Variants in CENPP observed in about 807,000 individuals in gnomAD.
CENPP encodes the protein centromere protein P.
A neutral mutation model predicts 35.6 loss-of-function variants in CENPP; 24 were observed. The observed-to-expected ratio is 0.67, with a 90% CI of 0.49 to 0.95. The LOEUF (loss-of-function observed/expected upper bound fraction) is 0.95. Ranked by LOEUF, CENPP falls within the 40% of genes least tolerant of loss-of-function variation. The pLI, the probability that CENPP is intolerant of heterozygous loss-of-function variation, is 0.00. For synonymous variants in CENPP, 120 were observed against 125.5 expected, an observed-to-expected ratio of 0.96 and a Z score of 0.29; for missense variants, 332 against 345.3, an observed-to-expected ratio of 0.96 and a Z score of 0.31.
intron 5 of CENPP, among the ~76,000 whole-genome samples, chr9:92,547,404 ATGTT>A (rs1325778576): frequency 1.3e-5 from 2 of 152,244 alleles, no homozygotes; most frequent in African/African-American, 4.8e-5. Context: ...AACAGCCTAA[ATGTT>A]TGTCAACTGT....
At chr9:92,546,202 G>T (rs1043412221) in intron 5 of CENPP, among the ~76,000 whole-genome samples, 1 of 152,144 alleles carries the variant, frequency 6.6e-6, no homozygotes, top group African/African-American at 2.4e-5. Context: ...CTGTCAAAAC[G>T]GACCAATCAG....
Position 92,495,133 on chromosome 9 carries a change from G to C in CENPP, c.564+115274G>C, listed in dbSNP as rs1175938508. On this transcript the variant is annotated intron_variant, in intron 5 of 7. Coordinates refer to ENST00000375587, the MANE Select transcript of CENPP (RefSeq NM_001012267.3). ...GTGGGGATGGAAGGTTCCTAGAGTG[G>C]TGAAAGAACTATTAAATGATTAAAT... is the stretch of plus-strand genomic sequence containing the variant. Among the ~76,000 whole-genome samples, 3 of 152,114 alleles carry C rather than the reference G, an allele frequency of 2.0e-5. No individual in the cohort carries two copies. In the East Asian group the frequency reaches 5.8e-4, roughly 29 times the overall value.
chr9:92,496,717 T>C (rs1231569273), intron 5 of CENPP, among the ~76,000 whole-genome samples: 3 of 152,216 alleles, frequency 2.0e-5, no homozygotes, highest in African/African-American at 7.2e-5. Context: ...GTATGTGATT[T>C]GAAAACCAGA....
Position 92,476,327 on chromosome 9 carries a change from G to A in CENPP, c.564+96468G>A, listed in dbSNP as rs2131089450. On this transcript the variant is annotated intron_variant, in intron 5 of 7. Coordinates refer to ENST00000375587, the MANE Select transcript of CENPP (RefSeq NM_001012267.3). This position sits in a 1 kb window ranked among gnomAD's most constrained non-coding sequence, Gnocchi z 4.1. ...AGCTTTAACATCTCTCCATGGGCCT[G>A]CTTTTTCCTGGATTTAAAAATCAAG... Among the ~76,000 whole-genome samples the A allele has an allele frequency of 6.6e-6, 1 of 152,266 alleles. No homozygotes were observed. The highest frequency in any genetic ancestry group is 1.9e-4 in the East Asian group (1 of 5,184).
At position 92,464,168 on chromosome 9, in the gene CENPP, A is replaced by G. The variant is rs76187584; in HGVS notation, c.564+84309A>G. Among the ~76,000 whole-genome samples, 1,121 of 152,364 alleles carry G rather than the reference A, an allele frequency of 7.4e-3. 12 individuals carry two copies. The highest frequency in any genetic ancestry group is 0.031 in the Middle Eastern group (9 of 294). On this transcript the variant is annotated intron_variant, in intron 5 of 7. Transcript: ENST00000375587. ...TGCCCTTGTTGGGAATAAGGAAAGC[A>G]AGACTTTGAGCAAGAGTTCCAAGAA... is the stretch of plus-strand genomic sequence containing the variant.
intron 5 of CENPP, among the ~76,000 whole-genome samples, chr9:92,440,115 A>G (rs1321313425): frequency 6.6e-6 from 1 of 152,194 alleles, no homozygotes; most frequent in Non-Finnish European, 1.5e-5. Flanking sequence ...GACATGAATC[A>G]TCCCTGTGTG....
chr9:92,505,795 A>G, intron 5 of CENPP: 1 of 925,378 alleles, frequency 1.1e-6, no homozygotes, highest in South Asian at 1.9e-5. Flanking sequence ...TTTGGAGGGC[A>G]AATACAGTTT....
chr9:92,582,388 A>C (rs955535292), intron 5 of CENPP, among the ~76,000 whole-genome samples: 1 of 152,194 alleles, frequency 6.6e-6, no homozygotes, highest in African/African-American at 2.4e-5. Context: ...GCTGATAAAG[A>C]AAGCAAAAAG....
At chr9:92,468,929 G>C (rs892621666) in intron 5 of CENPP, among the ~76,000 whole-genome samples, 1 of 152,136 alleles carries the variant, frequency 6.6e-6, no homozygotes. Context: ...TCCCTGGAAT[G>C]CTCCTAAAAT....
At chr9:92,336,388 A>C (rs1840930577) in intron 2 of CENPP, among the ~76,000 whole-genome samples, 1 of 152,120 alleles carries the variant, frequency 6.6e-6, no homozygotes. Context: ...GGTGCTGCTG[A>C]CTCATAATAC....
At position 92,565,742 on chromosome 9, in the gene CENPP, G is replaced by A. The variant is rs944977061; in HGVS notation, c.565-45572G>A. 4.6e-5 allele frequency among the ~76,000 whole-genome samples: 7 copies of A among 152,240 alleles called. No homozygotes were observed. The South Asian group carries it at 1.2e-3, about 27-fold the overall frequency. ...TTGGGAGCCATGCATTAAAGACTAGGAGGATTCAAAAGCAACTGCATATAC... is the reference window on the plus strand; with the variant it reads ...TTGGGAGCCATGCATTAAAGACTAGAAGGATTCAAAAGCAACTGCATATAC... On this transcript the variant is annotated intron_variant, in intron 5 of 7. Coordinates refer to ENST00000375587, the MANE Select transcript of CENPP (RefSeq NM_001012267.3).
intron 5 of CENPP, chr9:92,495,300 C>G: frequency 2.4e-6 from 2 of 829,750 alleles, no homozygotes; most frequent in Non-Finnish European, 2.9e-6. Context: ...TTTAGCAATA[C>G]AAAGATAAAA....
At chr9:92,587,417 C>T (rs1162940649) in intron 5 of CENPP, among the ~76,000 whole-genome samples, 1 of 151,652 alleles carries the variant, frequency 6.6e-6, no homozygotes, top group Non-Finnish European at 1.5e-5. Context: ...TGTGGTGAGC[C>T]GAGATCATGC....
chr9:92,532,023 T>TTTTG (rs1563990261), intron 5 of CENPP, among the ~76,000 whole-genome samples: 1 of 128,668 alleles, frequency 7.8e-6, no homozygotes, highest in African/African-American at 3.5e-5. Context: ...ATGTTTTTTT[T>TTTTG]TTTTTATTTT....
At chr9:92,416,370 G>A (rs1032237151) in intron 5 of CENPP, among the ~76,000 whole-genome samples, 6 of 151,904 alleles carry the variant, frequency 3.9e-5, no homozygotes, top group African/African-American at 1.5e-4. Context: ...CTCCCAAAGT[G>A]CTCTGATTAC....
At chr9:92,435,366 TTA>T (rs1844222741) in intron 5 of CENPP, among the ~76,000 whole-genome samples, 1 of 152,224 alleles carries the variant, frequency 6.6e-6, no homozygotes, top group South Asian at 2.1e-4. Context: ...TTCAATTTCA[TTA>T]TTGAGTCACA....
chr9:92,512,196 G>A, intron 5 of CENPP: 1 of 997,534 alleles, frequency 1.0e-6, no homozygotes, highest in Non-Finnish European at 1.6e-6. Context: ...GTATGGGCAT[G>A]TGTGCATAGA....
intron 5 of CENPP, among the ~76,000 whole-genome samples, chr9:92,472,997 T>C (rs1365981469): frequency 6.6e-6 from 1 of 152,158 alleles, no homozygotes. Context: ...AGACCCTTTT[T>C]ATGGTCACGT....
At chr9:92,473,158 G>A (rs1481092748) in intron 5 of CENPP, among the ~76,000 whole-genome samples, 1 of 152,182 alleles carries the variant, frequency 6.6e-6, no homozygotes, top group African/African-American at 2.4e-5. Flanking sequence ...CTGCCATGAG[G>A]TAGCTTGGGC....
Sources: allele counts gnomAD v4.1 joint callset (sites outside exome capture counted in the v4.1 genomes callset), GRCh38; gene constraint gnomAD v4.1.1; non-coding constraint Gnocchi (gnomAD v3.1); transcripts MANE v1.5; gene names NCBI Gene and HGNC (gene_info 2026-07-23, HGNC 2026-07-21).